Variants in SGCZ observed in about 807,000 individuals in gnomAD.
SGCZ encodes zeta-sarcoglycan.
In SGCZ, 40 loss-of-function variants were observed where a neutral mutation model predicts 41.3. That is an observed-to-expected ratio of 0.97 (90% CI 0.75 to 1.26). The LOEUF (loss-of-function observed/expected upper bound fraction) is 1.26, where lower values mean the gene tolerates loss of function less well. SGCZ is among the 50% of genes most tolerant of loss of function. The pLI, the probability that SGCZ is intolerant of heterozygous loss-of-function variation, is 0.00. For synonymous variants in SGCZ, 206 were observed against 137.5 expected (o/e 1.50, Z -3.49); for missense variants, 552 against 369.8 (o/e 1.49, Z -4.04).
intron 1 of SGCZ, among the ~76,000 whole-genome samples, chr8:14,620,543 G>C (rs966426999): frequency 6.6e-6 from 1 of 151,934 alleles, no homozygotes; most frequent in Non-Finnish European, 1.5e-5. Flanking sequence ...CTACTTATCT[G>C]ACAAAGGGCT....
intron 1 of SGCZ, among the ~76,000 whole-genome samples, chr8:15,187,083 C>T (rs1800372160): frequency 6.6e-6 from 1 of 152,118 alleles, no homozygotes; most frequent in Non-Finnish European, 1.5e-5. Context: ...TTTAAATTAA[C>T]TTTAAAGAAG....
At chr8:14,951,856 T>C (rs1201534392) in intron 1 of SGCZ, among the ~76,000 whole-genome samples, 1 of 152,106 alleles carries the variant, frequency 6.6e-6, no homozygotes, top group Non-Finnish European at 1.5e-5. Context: ...TTTTTTATAT[T>C]AACATTTTCA....
At chr8:14,632,168 G>A (rs552535897) in intron 1 of SGCZ, among the ~76,000 whole-genome samples, 116 of 151,946 alleles carry the variant, frequency 7.6e-4, no homozygotes, top group African/African-American at 2.6e-3. Flanking sequence ...ACAGGCATGC[G>A]CCACCATGCC....
intron 1 of SGCZ, among the ~76,000 whole-genome samples, chr8:14,873,147 A>G (rs1804228108): frequency 6.6e-6 from 1 of 152,092 alleles, no homozygotes; most frequent in African/African-American, 2.4e-5. Flanking sequence ...GATGCTTCCC[A>G]GTGGTGAACA....
chr8:14,508,406 A>G (rs1359201075), intron 2 of SGCZ, among the ~76,000 whole-genome samples: 1 of 152,180 alleles, frequency 6.6e-6, no homozygotes, highest in East Asian at 1.9e-4. Context: ...CTGTCATTTT[A>G]ACAGAGGTAA....
chr8:14,358,862 G>A (rs1803398187), intron 2 of SGCZ, among the ~76,000 whole-genome samples: 1 of 152,080 alleles, frequency 6.6e-6, no homozygotes, highest in Admixed American at 6.6e-5. Flanking sequence ...ACCTGCCTCA[G>A]CCTCCCAAAG....
intron 1 of SGCZ, among the ~76,000 whole-genome samples, chr8:14,563,598 T>C (rs1382125490): frequency 6.6e-6 from 1 of 152,228 alleles, no homozygotes; most frequent in Non-Finnish European, 1.5e-5. Context: ...CAGGTTTGCT[T>C]CTTTATAACC....
chr8:14,229,089 C>T (rs968739889), intron 4 of SGCZ, among the ~76,000 whole-genome samples: 3 of 152,106 alleles, frequency 2.0e-5, no homozygotes, highest in Non-Finnish European at 4.4e-5. Context: ...CAAACCGTCT[C>T]TTTCAGGTTT....
intron 1 of SGCZ, among the ~76,000 whole-genome samples, chr8:14,914,045 T>C (rs1799355503): frequency 6.6e-6 from 1 of 152,164 alleles, no homozygotes; most frequent in Admixed American, 6.6e-5. Flanking sequence ...AAAATACAAA[T>C]ACATATGTAT....
At chr8:15,123,487 T>C (rs1275841204) in intron 1 of SGCZ, among the ~76,000 whole-genome samples, 7 of 152,192 alleles carry the variant, frequency 4.6e-5, no homozygotes, top group Admixed American at 3.9e-4. Context: ...AGAGGAGATA[T>C]AGAATTTACA....
At chr8:15,194,185 TCACACACACACACACA>T (rs34127082) in intron 1 of SGCZ, among the ~76,000 whole-genome samples, 21 of 139,492 alleles carry the variant, frequency 1.5e-4, no homozygotes, top group African/African-American at 4.8e-4. Context: ...CCACCTCTAA[TCACACACACACACACA>T]CACACACACA....
chr8:14,510,046 T>C (rs954308091), intron 2 of SGCZ, among the ~76,000 whole-genome samples: 1 of 152,098 alleles, frequency 6.6e-6, no homozygotes, highest in Non-Finnish European at 1.5e-5. Flanking sequence ...CCAAACCATA[T>C]GATTCCACCC....
At chr8:14,741,951 A>C (rs559797790) in intron 1 of SGCZ, among the ~76,000 whole-genome samples, 1 of 152,078 alleles carries the variant, frequency 6.6e-6, no homozygotes, top group Non-Finnish European at 1.5e-5. Context: ...AATTTAAACT[A>C]TTTTAATATT....
At chr8:15,131,155 C>T (rs1007764950) in intron 1 of SGCZ, among the ~76,000 whole-genome samples, 9 of 152,114 alleles carry the variant, frequency 5.9e-5, no homozygotes, top group East Asian at 1.9e-4. Context: ...TCAGTGATAT[C>T]GTTTGTCTGT....
At chr8:14,516,848 T>C (rs559393771) in intron 2 of SGCZ, among the ~76,000 whole-genome samples, 1 of 152,208 alleles carries the variant, frequency 6.6e-6, no homozygotes, top group South Asian at 2.1e-4. Flanking sequence ...TTGAGGGAAC[T>C]TTTTGTTGAT....
At chr8:14,227,249 A>T (rs1359219531) in intron 4 of SGCZ, among the ~76,000 whole-genome samples, 1 of 152,122 alleles carries the variant, frequency 6.6e-6, no homozygotes, top group African/African-American at 2.4e-5. Flanking sequence ...AAAAAATGTA[A>T]GAATGCAAAC....
At chr8:14,852,197 T>A (rs1364530223) in intron 1 of SGCZ, among the ~76,000 whole-genome samples, 1 of 152,154 alleles carries the variant, frequency 6.6e-6, no homozygotes, top group Non-Finnish European at 1.5e-5. Context: ...AGCGCAATAT[T>A]TTTTCAGTGA....
intron 3 of SGCZ, among the ~76,000 whole-genome samples, chr8:14,289,499 C>A (rs923308967): frequency 3.4e-4 from 52 of 152,034 alleles, no homozygotes; most frequent in African/African-American, 1.0e-3. Context: ...ATCCACTTAT[C>A]CTACAGCTTT....
At chr8:14,383,952 CT>C (rs1227437411) in intron 2 of SGCZ, among the ~76,000 whole-genome samples, 6 of 151,086 alleles carry the variant, frequency 4.0e-5, no homozygotes, top group South Asian at 2.1e-4. Flanking sequence ...TTTGAATTTT[CT>C]TTTTTTTCTT....
Sources: gnomAD v4.1 joint callset for allele counts (sites outside exome capture counted in the v4.1 genomes callset) on GRCh38, gnomAD v4.1.1 for gene constraint, MANE v1.5 for transcripts, NCBI Gene and HGNC (gene_info 2026-07-23, HGNC 2026-07-21) for gene names.